CCDC192: variants seen among roughly 807,000 people sequenced by gnomAD.
CCDC192 encodes the protein coiled-coil domain containing 192.
At chr5:127,752,302 C>T (rs1451736444) in intron 2 of CCDC192, among the ~76,000 whole-genome samples, 4 of 152,096 alleles carry the variant, frequency 2.6e-5, no homozygotes, top group Admixed American at 2.6e-4. Flanking sequence ...GTGTGGATGT[C>T]CTTTCTGTTT....
chr5:127,896,380 T>A, intron 6 of CCDC192, among the ~76,000 whole-genome samples: 1 of 152,130 alleles, frequency 6.6e-6, no homozygotes, highest in African/African-American at 2.4e-5. Context: ...TCCCCTCCAT[T>A]CAAAGAATGA....
intron 2 of CCDC192, among the ~76,000 whole-genome samples, chr5:127,752,893 C>G (rs1235541000): frequency 6.6e-6 from 1 of 152,216 alleles, no homozygotes; most frequent in Non-Finnish European, 1.5e-5. Flanking sequence ...CCGTTCGTCA[C>G]CCCTTTCTTT....
intron 2 of CCDC192, among the ~76,000 whole-genome samples, chr5:127,735,041 TA>T (rs1752889050): frequency 1.5e-5 from 2 of 130,382 alleles, no homozygotes; most frequent in Admixed American, 7.9e-5. Flanking sequence ...GGTTTTCTTC[TA>T]GGGTTTTTAT....
intron 6 of CCDC192, among the ~76,000 whole-genome samples, chr5:127,904,657 G>A (rs761831680): frequency 2.0e-5 from 3 of 151,826 alleles, no homozygotes; most frequent in East Asian, 3.9e-4. Flanking sequence ...GCTTGCCACC[G>A]CACCCAACTA....
In CCDC192 at chr5:127,769,413, ATGTG is replaced by A. The variant is rs140726654; in HGVS notation, c.222+15062_222+15065del. On this transcript the variant is annotated intron_variant, in intron 3 of 6. Transcript: ENST00000514853. ...AAATAGGTTGTTGGATTTTGTGTGT[ATGTG>A]TGTGTGTGTGTGTGTGTGTGTGTCT... 1.6e-3 allele frequency among the ~76,000 whole-genome samples: 234 copies of A among 146,258 alleles called. 7 individuals carry two copies. The highest frequency in any genetic ancestry group is 3.5e-3 in the Middle Eastern group (1 of 286).
chr5:127,927,046 G>T (rs1753881618), intron 6 of CCDC192, among the ~76,000 whole-genome samples: 2 of 152,270 alleles, frequency 1.3e-5, no homozygotes, highest in Admixed American at 6.5e-5. Context: ...GGTGGCATTG[G>T]TAACCTCAGT....
intron 3 of CCDC192, among the ~76,000 whole-genome samples, chr5:127,769,318 C>G (rs1297514278): frequency 1.3e-5 from 2 of 152,082 alleles, no homozygotes; most frequent in African/African-American, 4.8e-5. Context: ...GGGGAAGGAA[C>G]AGATTGTGAG....
chr5:127,713,256 G>A (rs6894451), intron 2 of CCDC192, among the ~76,000 whole-genome samples: 145,039 of 152,054 alleles, frequency 0.95, 69,225 homozygotes, highest in East Asian at 1. Context: ...AAATTTAGTC[G>A]TTCTAATAGG....
At chr5:127,868,908 C>A (rs548339037) in intron 5 of CCDC192, among the ~76,000 whole-genome samples, 17 of 152,166 alleles carry the variant, frequency 1.1e-4, no homozygotes, top group Admixed American at 1.1e-3. Flanking sequence ...AGATAGACCG[C>A]AGAGATTTAA....
chr5:127,775,551 A>G (rs879707011), intron 3 of CCDC192, among the ~76,000 whole-genome samples: 8 of 152,170 alleles, frequency 5.3e-5, no homozygotes, highest in Non-Finnish European at 8.8e-5. Context: ...CTACCTTTTC[A>G]GTGGCAATCA....
At chr5:127,888,643 G>A (rs1447663658) in intron 6 of CCDC192, among the ~76,000 whole-genome samples, 1 of 152,064 alleles carries the variant, frequency 6.6e-6, no homozygotes, top group Non-Finnish European at 1.5e-5. Context: ...AGTCATAGAA[G>A]CAAAAGTTAG....
chr5:127,885,403 C>T (rs1752526911), intron 6 of CCDC192, among the ~76,000 whole-genome samples: 2 of 152,162 alleles, frequency 1.3e-5, no homozygotes, highest in Non-Finnish European at 2.9e-5. Context: ...ATCAATTTGT[C>T]AACATAAGCT....
chr5:127,920,534 C>T (rs1307610205), intron 6 of CCDC192, among the ~76,000 whole-genome samples: 1 of 151,184 alleles, frequency 6.6e-6, no homozygotes, highest in African/African-American at 2.4e-5. Context: ...AACTTGACTC[C>T]TGAATAGCTG....
At chr5:127,896,733 A>G (rs1342141713) in intron 6 of CCDC192, among the ~76,000 whole-genome samples, 9 of 152,208 alleles carry the variant, frequency 5.9e-5, no homozygotes, top group African/African-American at 2.2e-4. Context: ...GGCGTGAGCC[A>G]CTGTGCCCAG....
intron 5 of CCDC192, among the ~76,000 whole-genome samples, chr5:127,845,991 A>C (rs1400227906): frequency 6.6e-6 from 1 of 152,150 alleles, no homozygotes; most frequent in Non-Finnish European, 1.5e-5. Context: ...GCATTCAATA[A>C]TAAAAGAATA....
rs114128554 is a variant in CCDC192, at chr5:127,792,862, A to G, written c.223-4241A>G. ...GGAGGAGGAGAAGGAGAATAAGAAT[A>G]CAAATTGTGGAGTTGAAAAGCACAA... On this transcript the variant is annotated intron_variant, in intron 3 of 6. Coordinates refer to ENST00000514853, the MANE Select transcript of CCDC192 (RefSeq NM_001317938.2). Among the ~76,000 whole-genome samples, 1,003 of 152,290 alleles carry G rather than the reference A, an allele frequency of 6.6e-3. 14 individuals are homozygous for G. The highest frequency in any genetic ancestry group is 0.022 in the African/African-American group (931 of 41,552).
intron 5 of CCDC192, among the ~76,000 whole-genome samples, chr5:127,806,111 CA>C (rs1245914315): frequency 6.6e-6 from 1 of 152,168 alleles, no homozygotes; most frequent in Non-Finnish European, 1.5e-5. Flanking sequence ...AAGCAATATT[CA>C]AAATGAAACT....
At chr5:127,719,408 T>TATAC (rs1196557155) in intron 2 of CCDC192, among the ~76,000 whole-genome samples, 1 of 146,882 alleles carries the variant, frequency 6.8e-6, no homozygotes, top group Non-Finnish European at 1.5e-5. Context: ...ATATTTTATA[T>TATAC]ATACATACAT....
chr5:127,734,729 T>TC (rs1752867950), intron 2 of CCDC192, among the ~76,000 whole-genome samples: 1 of 149,882 alleles, frequency 6.7e-6, no homozygotes, highest in Non-Finnish European at 1.5e-5. Context: ...TGTCTTCTTT[T>TC]GAGAAGTGTC....
Sources: allele counts gnomAD v4.1 joint callset (sites outside exome capture counted in the v4.1 genomes callset), GRCh38; gene constraint gnomAD v4.1.1; transcripts MANE v1.5; gene names NCBI Gene and HGNC (gene_info 2026-07-23, HGNC 2026-07-21).